OPCML: variants seen among roughly 807,000 people sequenced by gnomAD.
The protein encoded by OPCML is opioid-binding protein/cell adhesion molecule.
A neutral mutation model predicts 37.8 loss-of-function variants in OPCML; 13 were observed. The observed-to-expected ratio is 0.34, with a 90% confidence interval of 0.22 to 0.55. The LOEUF (loss-of-function observed/expected upper bound fraction) is 0.55, where lower values mean the gene tolerates loss of function less well. Among genes scored for constraint, OPCML ranks in the 20% least tolerant of loss-of-function variants. The probability of loss-of-function intolerance (pLI) is 0.91; values close to 1 mark genes in which losing one functional copy is unlikely to be tolerated. For synonymous variants in OPCML, 176 were observed against 168.8 expected, an observed-to-expected ratio of 1.04 and a Z score of -0.33; for missense variants, 341 against 435.6, an observed-to-expected ratio of 0.78 and a Z score of 1.93.
intron 1 of OPCML, among the ~76,000 whole-genome samples, chr11:133,446,245 A>C (rs534110562): frequency 6.6e-6 from 1 of 152,260 alleles, no homozygotes; most frequent in South Asian, 2.1e-4. Context: ...TCAGTTTTTT[A>C]GTTGAAATAG....
chr11:132,731,611 T>C (rs555399066), intron 2 of OPCML, among the ~76,000 whole-genome samples: 8 of 152,332 alleles, frequency 5.3e-5, no homozygotes, highest in Non-Finnish European at 1.0e-4. Flanking sequence ...TGGGTCTTCA[T>C]GTTAGGCTTG....
intron 1 of OPCML, among the ~76,000 whole-genome samples, chr11:133,042,050 G>A (rs948954528): frequency 1.3e-5 from 2 of 152,080 alleles, no homozygotes; most frequent in Non-Finnish European, 2.9e-5. Flanking sequence ...TGGGGGGTGG[G>A]GGGAGCCTGC....
chr11:133,422,616 C>T (rs1004781997), intron 1 of OPCML: 62 of 962,522 alleles, frequency 6.4e-5, no homozygotes, highest in South Asian at 3.4e-4. Flanking sequence ...CGCAGCCTCC[C>T]GAGTAGTTGA....
chr11:132,895,139 A>G (rs1486168679), intron 2 of OPCML, among the ~76,000 whole-genome samples: 1 of 152,220 alleles, frequency 6.6e-6, no homozygotes, highest in Non-Finnish European at 1.5e-5. Flanking sequence ...TACTTCTAAC[A>G]GCACAGAGAG....
chr11:132,783,346 G>T lies in OPCML; in HGVS notation c.147-126027C>A, dbSNP rs77040004. Among the ~76,000 whole-genome samples, 595 of 152,176 alleles carry T rather than the reference G, an allele frequency of 3.9e-3. 5 individuals carry two copies. Among genetic ancestry groups the T allele is most frequent in the African/African-American group, 0.014 (567 of 41,504 alleles). The stretch of plus-strand genomic sequence containing the variant: ...ACTCTTCCAATACATGAGACCTTTT[G>T]CTTTAGTGGGGTTAAGTCATATGCA... On this transcript the variant is annotated intron_variant, in intron 2 of 7. Transcript: ENST00000524381.
chr11:132,705,727 A>G (rs1241198762), intron 2 of OPCML, among the ~76,000 whole-genome samples: 2 of 152,218 alleles, frequency 1.3e-5, no homozygotes, highest in Admixed American at 1.3e-4. Flanking sequence ...CCCTAGAAGC[A>G]GATGTTCATG....
chr11:133,277,669 C>T (rs1434672343), intron 1 of OPCML, among the ~76,000 whole-genome samples: 1 of 151,866 alleles, frequency 6.6e-6, no homozygotes, highest in African/African-American at 2.4e-5. Context: ...AGATCCAGTA[C>T]ATGTATCCAG....
At chr11:132,652,531 T>G (rs1038157748) in intron 3 of OPCML, among the ~76,000 whole-genome samples, 1 of 152,202 alleles carries the variant, frequency 6.6e-6, no homozygotes, top group Non-Finnish European at 1.5e-5. Context: ...CTCTGCTACT[T>G]ACTCACTGGG....
intron 4 of OPCML, among the ~76,000 whole-genome samples, chr11:132,468,833 A>T (rs2096127148): frequency 6.6e-6 from 1 of 152,188 alleles, no homozygotes; most frequent in Non-Finnish European, 1.5e-5. Flanking sequence ...GGTGGATCTC[A>T]AAACTACATA....
intron 1 of OPCML, among the ~76,000 whole-genome samples, chr11:133,496,077 A>G (rs975620082): frequency 1.3e-5 from 2 of 152,216 alleles, no homozygotes; most frequent in African/African-American, 4.8e-5. Flanking sequence ...TGACTTTTGT[A>G]TAATGTGAGA....
intron 1 of OPCML, among the ~76,000 whole-genome samples, chr11:133,377,161 C>A (rs1944823544): frequency 6.6e-6 from 1 of 152,164 alleles, no homozygotes; most frequent in Non-Finnish European, 1.5e-5. Flanking sequence ...GACGTGCTGC[C>A]TGAGGGCACA....
At chr11:132,694,207 TTTTTTTTTTTA>T (rs1943517911) in intron 2 of OPCML, among the ~76,000 whole-genome samples, 2 of 126,288 alleles carry the variant, frequency 1.6e-5, no homozygotes, top group Admixed American at 7.9e-5. Context: ...TTTTTTTTTT[TTTTTTTTTTTA>T]AGACGGAATC....
chr11:133,441,516 C>T (rs1946364184), intron 1 of OPCML, among the ~76,000 whole-genome samples: 1 of 152,096 alleles, frequency 6.6e-6, no homozygotes, highest in Admixed American at 6.5e-5. Flanking sequence ...TCTTCTATCT[C>T]ACACTACATG....
At chr11:132,642,163 A>G (rs1331887643) in intron 3 of OPCML, among the ~76,000 whole-genome samples, 1 of 152,154 alleles carries the variant, frequency 6.6e-6, no homozygotes, top group Non-Finnish European at 1.5e-5. Context: ...AGTAATATCG[A>G]TGCTGGGATG....
At chr11:132,787,019 A>T (rs1947236884) in intron 2 of OPCML, among the ~76,000 whole-genome samples, 1 of 152,156 alleles carries the variant, frequency 6.6e-6, no homozygotes, top group South Asian at 2.1e-4. Context: ...TCAAACACAG[A>T]TGGAGCCACA....
intron 1 of OPCML, among the ~76,000 whole-genome samples, chr11:133,022,788 G>T (rs777162120): frequency 6.6e-6 from 1 of 152,140 alleles, no homozygotes. Context: ...GTGGCAAAGA[G>T]ACCTAACCTA....
chr11:132,719,151 C>T (rs941394058), intron 2 of OPCML, among the ~76,000 whole-genome samples: 1 of 152,332 alleles, frequency 6.6e-6, no homozygotes, highest in African/African-American at 2.4e-5. Flanking sequence ...GGCCCGGGCG[C>T]GCCGTCCAGG....
intron 4 of OPCML, among the ~76,000 whole-genome samples, chr11:132,445,620 T>C (rs1442050971): frequency 2.0e-5 from 3 of 152,156 alleles, no homozygotes; most frequent in Admixed American, 6.5e-5. Context: ...AAATAGACTC[T>C]TGTGTTCATG....
chr11:132,554,883 T>TTTTTTTTTTTTTTTTTTTTTTTA (rs1255603307), intron 3 of OPCML, among the ~76,000 whole-genome samples: 1 of 125,660 alleles, frequency 8.0e-6, no homozygotes, highest in Non-Finnish European at 1.7e-5. Context: ...TTTTTTTTTT[T>TTTTTTTTTTTTTTTTTTTTTTTA]TTTTTTTTCA....
Sources: allele counts gnomAD v4.1 joint callset (sites outside exome capture counted in the v4.1 genomes callset), GRCh38; gene constraint gnomAD v4.1.1; transcripts MANE v1.5; gene names NCBI Gene and HGNC (gene_info 2026-07-23, HGNC 2026-07-21).